The following ELOC variants were observed in gnomAD, a reference collection of about 807,000 sequenced individuals.
The protein encoded by ELOC is elongin C.
For missense variants in ELOC, 38 were observed against 139.0 expected (o/e 0.27, Z 3.65); for synonymous variants, 40 against 51.3 (o/e 0.78, Z 0.94).
intron 1 of ELOC, among the ~76,000 whole-genome samples, chr8:73,968,598 T>C (rs773018840): frequency 1.3e-5 from 2 of 152,248 alleles, no homozygotes; most frequent in Non-Finnish European, 2.9e-5. Context: ...GCCTTGTCTC[T>C]CCATCTTCAG....
chr8:73,946,408 ATTTG>A lies in ELOC; in HGVS notation c.*218_*221del, dbSNP rs549988201. The A allele has an allele frequency of 1.9e-4, 81 of 429,752 alleles. No individual in the cohort carries two copies. Among genetic ancestry groups the A allele is most frequent in the Middle Eastern group, 1.2e-3 (2 of 1,614 alleles). The allele number at this position is 429,752 out of a possible 1,614,324, so 26.6% of individuals were successfully genotyped here. On this transcript the variant is annotated 3_prime_UTR_variant, in exon 4 of 4. Coordinates refer to ENST00000520242, the MANE Select transcript of ELOC (RefSeq NM_005648.4). ...GGCAAAACCACCTACGAATTGGCAT[ATTTG>A]TTTATTTCTCAGTTTGTGAAAATGT...
chr8:73,971,372 G>C (rs1199006296), intron 1 of ELOC, among the ~76,000 whole-genome samples: 1 of 152,184 alleles, frequency 6.6e-6, no homozygotes, highest in East Asian at 1.9e-4. Context: ...CTGCACTCTA[G>C]CCTGGGCAAC....
intron 3 of ELOC, among the ~76,000 whole-genome samples, chr8:73,954,044 A>C (rs1415392718): frequency 2.3e-4 from 35 of 152,252 alleles, no homozygotes; most frequent in Admixed American, 2.3e-3. Flanking sequence ...TGCACCACAT[A>C]AATGAACCTT....
intron 2 of ELOC, among the ~76,000 whole-genome samples, chr8:73,958,011 A>T (rs1814319872): frequency 6.6e-6 from 1 of 151,810 alleles, no homozygotes; most frequent in Non-Finnish European, 1.5e-5. Context: ...CCTGACCTCA[A>T]GTGATCCACC....
intron 3 of ELOC, among the ~76,000 whole-genome samples, chr8:73,954,010 T>C (rs538515739): frequency 6.6e-6 from 1 of 152,176 alleles, no homozygotes; most frequent in South Asian, 2.1e-4. Context: ...TATTCAGCCA[T>C]AAAAAAGAAT....
At chr8:73,963,965 T>G (rs1460466102) in intron 1 of ELOC, among the ~76,000 whole-genome samples, 2 of 151,710 alleles carry the variant, frequency 1.3e-5, no homozygotes, top group African/African-American at 4.8e-5. Flanking sequence ...TAGTAGTGGG[T>G]GCCTGTAATC....
intron 1 of ELOC, among the ~76,000 whole-genome samples, chr8:73,966,767 C>T (rs893551502): frequency 3.9e-5 from 6 of 151,934 alleles, no homozygotes; most frequent in Non-Finnish European, 7.4e-5. Context: ...AGCCACCACA[C>T]ATAGCCCAAG....
At chr8:73,965,707 TA>T (rs1224913239) in intron 1 of ELOC, among the ~76,000 whole-genome samples, 1 of 152,110 alleles carries the variant, frequency 6.6e-6, no homozygotes, top group African/African-American at 2.4e-5. Flanking sequence ...GCTAGAATTT[TA>T]AAAAAAGATA....
intron 1 of ELOC, among the ~76,000 whole-genome samples, chr8:73,965,364 T>A (rs1364504259): frequency 6.6e-6 from 1 of 151,792 alleles, no homozygotes; most frequent in African/African-American, 2.4e-5. Flanking sequence ...GCAAATGAAT[T>A]CTCATACACT....
intron 2 of ELOC, among the ~76,000 whole-genome samples, chr8:73,958,524 G>C (rs1376900339): frequency 1.3e-5 from 2 of 151,720 alleles, no homozygotes; most frequent in Non-Finnish European, 2.9e-5. Context: ...ATCTTTTTTT[G>C]TCTAATTTTT....
rs1563669882 is a variant in ELOC, at chr8:73,948,358, G to A, written c.149-1538C>T. Reference sequence around the variant, plus strand: ...ATCATTTTTAAAAAAGATCAATCCAGGCAATCAAGTCTTTATGGATCATTA... The same window carrying A: ...ATCATTTTTAAAAAAGATCAATCCAAGCAATCAAGTCTTTATGGATCATTA... On this transcript the variant is annotated intron_variant, in intron 3 of 3. Coordinates refer to ENST00000520242, the MANE Select transcript of ELOC (RefSeq NM_005648.4). Among the ~76,000 whole-genome samples the A allele has an allele frequency of 2.0e-5, 3 of 152,082 alleles. No individual in the cohort carries two copies. The South Asian group carries it at 6.2e-4, about 32-fold the overall frequency.
At chr8:73,967,924 C>G (rs1324676242) in intron 1 of ELOC, among the ~76,000 whole-genome samples, 1 of 152,210 alleles carries the variant, frequency 6.6e-6, no homozygotes, top group East Asian at 1.9e-4. Context: ...CTAGCAGGTT[C>G]TTAATCTGCA....
At chr8:73,959,728 A>C (rs1249114034) in intron 2 of ELOC, 37 bp downstream of exon 2, 16 of 1,508,616 alleles carry the variant, frequency 1.1e-5, no homozygotes, top group Non-Finnish European at 1.4e-5. Flanking sequence ...TCCAGTTTCT[A>C]CTAGTTAAAA....
chr8:73,966,381 G>C (rs540579453), intron 1 of ELOC, among the ~76,000 whole-genome samples: 2 of 152,204 alleles, frequency 1.3e-5, no homozygotes, highest in South Asian at 4.2e-4. Flanking sequence ...AGAAGAGAGT[G>C]TAGGAAGATA....
intron 1 of ELOC, among the ~76,000 whole-genome samples, chr8:73,971,166 G>A (rs927086533): frequency 8.5e-5 from 13 of 152,152 alleles, no homozygotes; most frequent in African/African-American, 2.9e-4. Flanking sequence ...AGCACTTTGG[G>A]AGGCCGACGG....
At chr8:73,954,841 G>T (rs970915933) in intron 3 of ELOC, among the ~76,000 whole-genome samples, 1 of 150,960 alleles carries the variant, frequency 6.6e-6, no homozygotes, top group African/African-American at 2.4e-5. Flanking sequence ...AGACCAGTCC[G>T]ACCAATATGG....
intron 1 of ELOC, among the ~76,000 whole-genome samples, chr8:73,967,205 C>T (rs1300870278): frequency 6.6e-6 from 1 of 152,134 alleles, no homozygotes; most frequent in Non-Finnish European, 1.5e-5. Flanking sequence ...TGGGAGGAAT[C>T]TGTGGACAAA....
At chr8:73,951,137 G>A (rs989503674) in intron 3 of ELOC, among the ~76,000 whole-genome samples, 1 of 152,116 alleles carries the variant, frequency 6.6e-6, no homozygotes, top group Non-Finnish European at 1.5e-5. Flanking sequence ...TGGGCGTGGT[G>A]GCGGCATGCC....
intron 3 of ELOC, among the ~76,000 whole-genome samples, chr8:73,950,484 AAT>A (rs1813682206): frequency 1.3e-5 from 2 of 152,210 alleles, no homozygotes; most frequent in South Asian, 4.1e-4. Context: ...GTAACCAAAT[AAT>A]ATCTTATAGG....
Sources: gnomAD v4.1 joint callset for allele counts (sites outside exome capture counted in the v4.1 genomes callset) on GRCh38, gnomAD v4.1.1 for gene constraint, MANE v1.5 for transcripts, NCBI Gene and HGNC (gene_info 2026-07-23, HGNC 2026-07-21) for gene names.